CEP41: variants seen among roughly 807,000 people sequenced by gnomAD.
The protein encoded by CEP41 is centrosomal protein 41, also known as centrosomal protein of 41 kDa.
Under a neutral mutation model 44.3 loss-of-function variants are expected in CEP41, and 32 were observed. That is an observed-to-expected ratio of 0.72 (90% confidence interval 0.54 to 0.97). CEP41 has a LOEUF of 0.97. Among genes scored for constraint, CEP41 ranks in the 50% least tolerant of loss-of-function variants. CEP41 has a pLI of 0.00. For synonymous variants in CEP41, 151 were observed against 168.5 expected (o/e 0.90, Z 0.80); for missense variants, 432 against 455.2 (o/e 0.95, Z 0.46).
At chr7:130,440,187 A>G (rs1798103889) in intron 1 of CEP41, among the ~76,000 whole-genome samples, 1 of 151,890 alleles carries the variant, frequency 6.6e-6, no homozygotes, top group South Asian at 2.1e-4. Flanking sequence ...CGCCCGGCTA[A>G]TTTTTGTATT....
At chr7:130,425,294 TTCCAGCTACTTGCAA>T (rs1554423119) in intron 2 of CEP41, among the ~76,000 whole-genome samples, 1 of 152,128 alleles carries the variant, frequency 6.6e-6, no homozygotes, top group African/African-American at 2.4e-5. Context: ...GCACCCGTAA[TTCCAGCTACTTGCAA>T]GGCTAAGGCA....
In CEP41 at chr7:130,395,002, G is replaced by C; in HGVS notation, c.*3889C>G. 2.2e-6 allele frequency: 1 copy of C among 454,056 alleles called. No homozygotes were observed. The allele number at this position is 454,056 out of a possible 1,614,324, so 28.1% of individuals were successfully genotyped here. On this transcript the variant is annotated 3_prime_UTR_variant, in exon 11 of 11. Transcript: ENST00000223208. ...CAAAGAGGATCAGCAACAGAGAGGG[G>C]AGCCATCAGGGGATCACAATGTGAC...
chr7:130,396,377 T>C lies in CEP41; in HGVS notation c.*2514A>G, dbSNP rs963197810. On this transcript the variant is annotated 3_prime_UTR_variant, in exon 11 of 11. Coordinates refer to ENST00000223208, the MANE Select transcript of CEP41 (RefSeq NM_018718.3). The stretch of plus-strand genomic sequence containing the variant: ...GGAGAGCTGAGGCCCCCTGCCCTAA[T>C]TGGACTGATTTCCTGATTCATTTAT... 8.8e-6 allele frequency: 4 copies of C among 454,072 alleles called. No individual in the cohort carries two copies. Among genetic ancestry groups the C allele is most frequent in the East Asian group, 6.9e-5 (1 of 14,398 alleles). 28.1% of individuals were successfully genotyped at this position (454,072 alleles called of 1,614,324 possible). A position where few individuals can be genotyped will look rare whatever the true frequency, so the allele number is the denominator to read the frequency against.
rs1554414748 is a variant in CEP41, at chr7:130,396,723, T to C, written c.*2168A>G. The C allele has an allele frequency of 1.1e-5, 5 of 454,468 alleles. No individual in the cohort carries two copies. Among genetic ancestry groups the C allele is most frequent in the Middle Eastern group, 6.9e-4 (1 of 1,444 alleles). 28.2% of individuals were successfully genotyped at this position (454,468 alleles called of 1,614,324 possible). On this transcript the variant is annotated 3_prime_UTR_variant, in exon 11 of 11. Coordinates refer to ENST00000223208, the MANE Select transcript of CEP41 (RefSeq NM_018718.3). Reference sequence around the variant, plus strand: ...CAAAACGCAGATTAGAACAGCTCTTTTGAGCATGGTTATTTAAAATCCTTA... The same window carrying C: ...CAAAACGCAGATTAGAACAGCTCTTCTGAGCATGGTTATTTAAAATCCTTA...
chr7:130,402,092 C>T, intron 7 of CEP41, 144 bp from the exon 8 acceptor site: 6 of 682,208 alleles, frequency 8.8e-6, no homozygotes, highest in Non-Finnish European at 1.1e-5. Context: ...ACCTATAATC[C>T]CAGCACTTTG....
chr7:130,395,897 A>T lies in CEP41; in HGVS notation c.*2994T>A, dbSNP rs1554414287. 1 of 439,602 alleles carries T rather than the reference A, an allele frequency of 2.3e-6. No individual in the cohort carries two copies. The highest frequency in any genetic ancestry group is 2.5e-5 in the Admixed American group (1 of 39,586). 27.2% of individuals were successfully genotyped at this position (439,602 alleles called of 1,614,324 possible). A position where few individuals can be genotyped will look rare whatever the true frequency, so the allele number is the denominator to read the frequency against. ...CTAAAGGTTAAAAAAAAAAAAAAAG[A>T]TAAAAGATAAAATGAATGCAGGCCA... is the stretch of plus-strand genomic sequence containing the variant. On this transcript the variant is annotated 3_prime_UTR_variant, in exon 11 of 11. Coordinates refer to ENST00000223208, the MANE Select transcript of CEP41 (RefSeq NM_018718.3).
At position 130,396,088 on chromosome 7, in the gene CEP41, CCCTT is replaced by C; in HGVS notation, c.*2799_*2802del. 2.2e-6 allele frequency: 1 copy of C among 453,958 alleles called. No individual in the cohort carries two copies. The highest frequency in any genetic ancestry group is 4.4e-6 in the Non-Finnish European group (1 of 226,768). 28.1% of individuals were successfully genotyped at this position (453,958 alleles called of 1,614,324 possible). A position where few individuals can be genotyped will look rare whatever the true frequency, so the allele number is the denominator to read the frequency against. On this transcript the variant is annotated 3_prime_UTR_variant, in exon 11 of 11. Transcript: ENST00000223208. ...TCTTCCCATTTCCTTGCTTCTTTCT[CCCTT>C]CCTTTCTTTTTTTCTTTTCTCCCTT...
chr7:130,416,995 T>A (rs782512600), intron 2 of CEP41, 29 bp from the exon 3 acceptor site: 1 of 1,500,916 alleles, frequency 6.7e-7, no homozygotes. Context: ...GTTTTAGATA[T>A]ACTTTAAATG....
intron 2 of CEP41, among the ~76,000 whole-genome samples, chr7:130,425,407 T>C (rs1484206169): frequency 2.6e-5 from 4 of 152,154 alleles, no homozygotes; most frequent in Non-Finnish European, 4.4e-5. Flanking sequence ...GATAAGACTC[T>C]GTCTCAAAAA....
intron 2 of CEP41, chr7:130,419,550 C>A (rs1738816270): frequency 1.0e-6 from 1 of 984,134 alleles, no homozygotes; most frequent in South Asian, 4.7e-5. Context: ...ACAAAAGAAG[C>A]CTAAAAGACT....
intron 2 of CEP41, among the ~76,000 whole-genome samples, chr7:130,425,230 A>G (rs1437066778): frequency 2.0e-5 from 2 of 98,432 alleles, no homozygotes; most frequent in African/African-American, 5.0e-5. Flanking sequence ...CCTAGCCAAC[A>G]TGACAAAACC....
At chr7:130,399,940 T>G in intron 10 of CEP41, 99 bp downstream of exon 10, 1 of 938,504 alleles carries the variant, frequency 1.1e-6, no homozygotes, top group South Asian at 1.3e-5. Flanking sequence ...CTCCCTAGTA[T>G]TTTAAGAATC....
At position 130,395,495 on chromosome 7, in the gene CEP41, G is replaced by GA; in HGVS notation, c.*3395dup. 4 of 454,102 alleles carry GA rather than the reference G, an allele frequency of 8.8e-6. No individual in the cohort carries two copies. Among genetic ancestry groups the GA allele is most frequent in the South Asian group, 6.2e-5 (4 of 64,480 alleles). 28.1% of individuals were successfully genotyped at this position (454,102 alleles called of 1,614,324 possible). A position where few individuals can be genotyped will look rare whatever the true frequency, so the allele number is the denominator to read the frequency against. ...ACTGATTATCTTCAGAGTAGAGCAAGAAGGTGGTCATGGATTTAAATCCAG... is the reference window on the plus strand; with the variant it reads ...ACTGATTATCTTCAGAGTAGAGCAAGAAAGGTGGTCATGGATTTAAATCCAG... On this transcript the variant is annotated 3_prime_UTR_variant, in exon 11 of 11. Coordinates refer to ENST00000223208, the MANE Select transcript of CEP41 (RefSeq NM_018718.3).
chr7:130,417,710 T>C (rs1298654044), intron 2 of CEP41, among the ~76,000 whole-genome samples: 4 of 152,256 alleles, frequency 2.6e-5, no homozygotes, highest in Admixed American at 6.5e-5. Context: ...CCAGGGGCTA[T>C]TATATTTTAC....
chr7:130,402,358 A>C (rs1037473309), intron 7 of CEP41, among the ~76,000 whole-genome samples: 3 of 151,944 alleles, frequency 2.0e-5, no homozygotes, highest in Non-Finnish European at 4.4e-5. Context: ...AAAAAACAAA[A>C]AAAAAAATCA....
rs1554415949 is a variant in CEP41, at chr7:130,398,638, A to T, written c.*253T>A. ...TTCCTATACAGTTTCACAAGACTTA[A>T]ATATGCTGTAAACAACAGGGAGGAG... is the stretch of plus-strand genomic sequence containing the variant. On this transcript the variant is annotated 3_prime_UTR_variant, in exon 11 of 11. Transcript: ENST00000223208. 1 of 675,052 alleles carries T rather than the reference A, an allele frequency of 1.5e-6. No homozygotes were observed. Among genetic ancestry groups the T allele is most frequent in the South Asian group, 1.5e-5 (1 of 68,430 alleles). 41.8% of individuals were successfully genotyped at this position (675,052 alleles called of 1,614,324 possible). A position where few individuals can be genotyped will look rare whatever the true frequency, so the allele number is the denominator to read the frequency against.
rs1262557475 is a variant in CEP41 at position 130,398,150 on chromosome 7, G to C, written c.*741C>G. 3 of 453,618 alleles carry C rather than the reference G, an allele frequency of 6.6e-6. No homozygotes were observed. In the East Asian group the frequency reaches 2.1e-4, roughly 31 times the overall value. The allele number at this position is 453,618 out of a possible 1,614,324, so 28.1% of individuals were successfully genotyped here. A position where few individuals can be genotyped will look rare whatever the true frequency, so the allele number is the denominator to read the frequency against. ...GGCTTCAAGGGGCACAGGCCGGTGT[G>C]GTGGCCAGGGCTTTCCCATGAGAGG... On this transcript the variant is annotated 3_prime_UTR_variant, in exon 11 of 11. Transcript: ENST00000223208.
chr7:130,440,218 G>A (rs1334764133), intron 1 of CEP41, among the ~76,000 whole-genome samples: 1 of 151,924 alleles, frequency 6.6e-6, no homozygotes, highest in Admixed American at 6.6e-5. Context: ...ACGGGGTTTC[G>A]CCATGTTGGC....
intron 1 of CEP41, among the ~76,000 whole-genome samples, chr7:130,437,783 A>AAAAAAG (rs1200213581): frequency 7.4e-5 from 10 of 135,686 alleles, no homozygotes; most frequent in African/African-American, 2.6e-4. Flanking sequence ...AAAAAAAAAA[A>AAAAAAG]AAAAAGAAAA....
Sources: allele counts gnomAD v4.1 joint callset (sites outside exome capture counted in the v4.1 genomes callset), GRCh38; gene constraint gnomAD v4.1.1; transcripts MANE v1.5; gene names NCBI Gene and HGNC (gene_info 2026-07-23, HGNC 2026-07-21).